TMEM132D: variants seen among roughly 807,000 people sequenced by gnomAD.
TMEM132D encodes mature OL transmembrane protein.
Under a neutral mutation model 62.3 loss-of-function variants are expected in TMEM132D, and 21 were observed. The observed-to-expected ratio is 0.34, with a 90% CI of 0.24 to 0.49. The LOEUF (loss-of-function observed/expected upper bound fraction) is 0.49, where lower values mean the gene tolerates loss of function less well. TMEM132D is among the 20% of genes least tolerant of loss of function. The pLI, the probability that TMEM132D is intolerant of heterozygous loss-of-function variation, is 0.99. For missense variants in TMEM132D, 1,346 were observed against 1,402.8 expected (o/e 0.96, Z 0.65); for synonymous variants, 621 against 575.6 (o/e 1.08, Z -1.13).
intron 3 of TMEM132D, among the ~76,000 whole-genome samples, chr12:129,381,507 C>T (rs941747863): frequency 1.3e-5 from 2 of 152,076 alleles, no homozygotes; most frequent in African/African-American, 4.8e-5. Context: ...AGCCTACTGC[C>T]ATCTCATAGG....
At position 129,072,899 on chromosome 12, in the gene TMEM132D, G is replaced by A. The variant is rs1465417580; in HGVS notation, c.*976C>T. ...GAGACCAGCCTCTTCAAAGACGGACGGCGTGGGACATATGCCCAGGTTGCG... is the reference window on the plus strand; with the variant it reads ...GAGACCAGCCTCTTCAAAGACGGACAGCGTGGGACATATGCCCAGGTTGCG... On this transcript the variant is annotated 3_prime_UTR_variant, in exon 9 of 9. Coordinates refer to ENST00000422113, the MANE Select transcript of TMEM132D (RefSeq NM_133448.3). The A allele has an allele frequency of 6.6e-6, 1 of 152,114 alleles. No homozygotes were observed. Among genetic ancestry groups the A allele is most frequent in the Non-Finnish European group, 1.5e-5 (1 of 68,022 alleles). 9.4% of individuals were successfully genotyped at this position (152,114 alleles called of 1,614,324 possible). A position where few individuals can be genotyped will look rare whatever the true frequency, so the allele number is the denominator to read the frequency against.
rs567591936 is a variant in TMEM132D at position 129,434,021 on chromosome 12, T to C, written c.1116-96204A>G. Among the ~76,000 whole-genome samples the C allele has an allele frequency of 1.2e-4, 18 of 152,282 alleles. No individual in the cohort carries two copies. The South Asian group carries it at 2.5e-3, about 21-fold the overall frequency. ...TTGCAACTAAGGAAGAAGAGAAGTG[T>C]CACTAGGGATACTTTCGCAGGGAAA... On this transcript the variant is annotated intron_variant, in intron 3 of 8. Transcript: ENST00000422113.
intron 2 of TMEM132D, among the ~76,000 whole-genome samples, chr12:129,662,724 C>T (rs528880559): frequency 3.0e-4 from 41 of 134,554 alleles, no homozygotes; most frequent in African/African-American, 1.1e-3. Flanking sequence ...ACCTGGGAGA[C>T]GGAGGTTGCA....
chr12:129,834,144 C>T (rs898704559), intron 1 of TMEM132D, among the ~76,000 whole-genome samples: 3 of 152,202 alleles, frequency 2.0e-5, no homozygotes, highest in African/African-American at 7.2e-5. Context: ...CCTTTCCCTT[C>T]CTTCTTCATC....
intron 1 of TMEM132D, among the ~76,000 whole-genome samples, chr12:129,719,982 C>A (rs1446861423): frequency 6.6e-6 from 1 of 151,958 alleles, no homozygotes; most frequent in African/African-American, 2.4e-5. Context: ...AAATAAAAAT[C>A]TCAAGCGGGC....
chr12:129,254,082 T>C (rs914726935), intron 4 of TMEM132D, among the ~76,000 whole-genome samples: 2 of 152,186 alleles, frequency 1.3e-5, no homozygotes, highest in African/African-American at 4.8e-5. Context: ...CTGTGGGAGA[T>C]GCAGGGCCCA....
intron 3 of TMEM132D, among the ~76,000 whole-genome samples, chr12:129,465,731 G>A (rs796260380): frequency 2.0e-5 from 3 of 152,302 alleles, no homozygotes; most frequent in African/African-American, 4.8e-5. Context: ...CACCCAGGCT[G>A]GAGTGCAGTG....
intron 5 of TMEM132D, among the ~76,000 whole-genome samples, chr12:129,134,092 GTGTGTGTGTTGTGTGTCTGTGTGT>G (rs1876465919): frequency 6.8e-6 from 1 of 146,982 alleles, no homozygotes; most frequent in South Asian, 2.3e-4. Context: ...TGTTGTATGT[GTGTGTGTGTTGTGTGTCTGTGTGT>G]TGTGTGTGTG....
At chr12:129,711,744 A>T (rs1868379169) in intron 1 of TMEM132D, among the ~76,000 whole-genome samples, 1 of 149,312 alleles carries the variant, frequency 6.7e-6, no homozygotes, top group South Asian at 2.1e-4. Context: ...AAAAAAAAAA[A>T]AAGGATGGGA....
intron 2 of TMEM132D, among the ~76,000 whole-genome samples, chr12:129,633,818 C>T (rs1159018988): frequency 1.3e-5 from 2 of 152,136 alleles, no homozygotes; most frequent in Non-Finnish European, 2.9e-5. Flanking sequence ...GAGCCAGGAA[C>T]AATGGGAAGG....
In TMEM132D at chr12:129,073,829, T is replaced by G; in HGVS notation, c.*46A>C. On this transcript the variant is annotated 3_prime_UTR_variant, in exon 9 of 9. Transcript: ENST00000422113. ...GCACCGTTGCTACACATCCTGGAAT[T>G]AAAGGCTGAAAGGTGAGTGAGAACC... 6.8e-7 allele frequency: 1 copy of G among 1,480,718 alleles called. No individual in the cohort carries two copies. Among genetic ancestry groups the G allele is most frequent in the South Asian group, 1.4e-5 (1 of 72,568 alleles). 91.7% of individuals were successfully genotyped at this position (1,480,718 alleles called of 1,614,324 possible). A position where few individuals can be genotyped will look rare whatever the true frequency, so the allele number is the denominator to read the frequency against.
At chr12:129,758,128 C>T (rs1179994318) in intron 1 of TMEM132D, among the ~76,000 whole-genome samples, 1 of 152,138 alleles carries the variant, frequency 6.6e-6, no homozygotes, top group Non-Finnish European at 1.5e-5. Context: ...TGGTCTCGAA[C>T]TCCCGACCTC....
intron 5 of TMEM132D, among the ~76,000 whole-genome samples, chr12:129,090,748 CAACTTAG>C (rs1169018703): frequency 1.3e-5 from 2 of 152,160 alleles, no homozygotes; most frequent in East Asian, 3.9e-4. Flanking sequence ...TTGATGATTT[CAACTTAG>C]AAATTTAGAT....
chr12:129,519,190 A>T (rs890934872), intron 3 of TMEM132D, among the ~76,000 whole-genome samples: 1 of 152,186 alleles, frequency 6.6e-6, no homozygotes, highest in African/African-American at 2.4e-5. Flanking sequence ...TGGCTGGGGA[A>T]AAACAGCCCT....
At chr12:129,537,946 C>G (rs200263838) in intron 2 of TMEM132D, among the ~76,000 whole-genome samples, 2 of 149,090 alleles carry the variant, frequency 1.3e-5, no homozygotes, top group African/African-American at 2.5e-5. Flanking sequence ...AAACTCAAAA[C>G]TGCAGAGTCC....
intron 2 of TMEM132D, among the ~76,000 whole-genome samples, chr12:129,615,426 A>G (rs1163699459): frequency 6.6e-6 from 1 of 151,774 alleles, no homozygotes; most frequent in African/African-American, 2.4e-5. Flanking sequence ...AGCTTAATTT[A>G]TAATTACATT....
intron 1 of TMEM132D, among the ~76,000 whole-genome samples, chr12:129,734,109 G>T (rs758307881): frequency 6.6e-6 from 1 of 152,152 alleles, no homozygotes; most frequent in Non-Finnish European, 1.5e-5. Context: ...GGACAATCTT[G>T]GCCAGCAAGG....
At chr12:129,732,013 G>A (rs1333207490) in intron 1 of TMEM132D, among the ~76,000 whole-genome samples, 5 of 152,032 alleles carry the variant, frequency 3.3e-5, no homozygotes, top group Non-Finnish European at 7.4e-5. Flanking sequence ...CAGCCCCATG[G>A]GTTTTCAGAT....
intron 1 of TMEM132D, among the ~76,000 whole-genome samples, chr12:129,847,855 G>A (rs1170413002): frequency 6.6e-6 from 1 of 152,046 alleles, no homozygotes; most frequent in East Asian, 1.9e-4. Flanking sequence ...GGAACCCCAA[G>A]GTTGCCACGG....
Sources: allele counts gnomAD v4.1 joint callset (sites outside exome capture counted in the v4.1 genomes callset), GRCh38; gene constraint gnomAD v4.1.1; transcripts MANE v1.5; gene names NCBI Gene and HGNC (gene_info 2026-07-23, HGNC 2026-07-21).